Variants in CDCP1 observed in about 807,000 individuals in gnomAD.
The protein encoded by CDCP1 is CUB domain-containing protein 1.
CDCP1 carries 29 observed loss-of-function variants against 60.2 expected under a neutral mutation model. The ratio of observed to expected loss-of-function variants is 0.48; its 90% confidence interval spans 0.36 to 0.66. The LOEUF is 0.66. CDCP1 is among the 30% of genes least tolerant of loss of function. The pLI is 0.00. For missense variants in CDCP1, 876 were observed against 1,074.3 expected (o/e 0.82, Z 2.58); for synonymous variants, 387 against 431.1 (o/e 0.90, Z 1.27).
In CDCP1 at chr3:45,141,400, T is replaced by C. The variant is rs116131222; in HGVS notation, c.82+4806A>G. Among the ~76,000 whole-genome samples, 844 of 152,346 alleles carry C rather than the reference T, an allele frequency of 5.5e-3. 4 individuals carry two copies. The highest frequency in any genetic ancestry group is 0.02 in the African/African-American group (817 of 41,582). On this transcript the variant is annotated intron_variant, in intron 1 of 8. Coordinates refer to ENST00000296129, the MANE Select transcript of CDCP1 (RefSeq NM_022842.5). ...ATTATACACAGGTATCTTCCTGTTT[T>C]TCATCACACTTTCAGAAACTGTTAG...
At position 45,084,824 on chromosome 3, in the gene CDCP1, G is replaced by A. The variant is rs1212038772; in HGVS notation, c.*814C>T. 1 of 152,630 alleles carries A rather than the reference G, an allele frequency of 6.6e-6. No individual in the cohort carries two copies. The highest frequency in any genetic ancestry group is 2.4e-5 in the African/African-American group (1 of 41,448). The allele number at this position is 152,630 out of a possible 1,614,324, so 9.5% of individuals were successfully genotyped here. ...ATATTCTCTAAATTTCTCTTTAAATGTCAAAGTATTGCTGCAGCTAGGAGA... is the reference window on the plus strand; with the variant it reads ...ATATTCTCTAAATTTCTCTTTAAATATCAAAGTATTGCTGCAGCTAGGAGA... On this transcript the variant is annotated 3_prime_UTR_variant, in exon 9 of 9. Coordinates refer to ENST00000296129, the MANE Select transcript of CDCP1 (RefSeq NM_022842.5).
At position 45,112,351 on chromosome 3, in the gene CDCP1, G is replaced by A; in HGVS notation, c.387C>T (p.Val129=). ...PTLNRTFIWD[V]KAHKSIGLEL... is the part of the protein sequence containing the mutation. ...CTAAACCGATGCTCTTATGAGCTTT[G>A]ACATCCCAGATGAAAGTTCTGTTGA... The change falls in exon 3 of 9, where the codon GTC becomes GTT. Residue 129 remains valine, a synonymous_variant. Transcript: ENST00000296129. 1 of 1,614,242 alleles carries A rather than the reference G, an allele frequency of 6.2e-7. No individual in the cohort carries two copies. Among genetic ancestry groups the A allele is most frequent in the Non-Finnish European group, 8.5e-7 (1 of 1,180,044 alleles).
At chr3:45,126,277 T>G (rs1698999424) in intron 1 of CDCP1, among the ~76,000 whole-genome samples, 1 of 151,416 alleles carries the variant, frequency 6.6e-6, no homozygotes, top group Non-Finnish European at 1.5e-5. Flanking sequence ...CTGTTTCTTT[T>G]TTTTGTCTAC....
chr3:45,146,398 G>C (rs909192940), upstream of CDCP1: 29 of 904,400 alleles, frequency 3.2e-5, no homozygotes, highest in Non-Finnish European at 3.9e-5. Context: ...ACCTGCGCGC[G>C]GGCGGACCGG....
chr3:45,109,412 T>C (rs983015811), intron 4 of CDCP1, among the ~76,000 whole-genome samples: 13 of 152,068 alleles, frequency 8.5e-5, no homozygotes, highest in Admixed American at 7.9e-4. Context: ...CCCACTTAAT[T>C]TTTCTGCCTG....
At chr3:45,118,686 G>C (rs1031353093) in intron 1 of CDCP1, 65 bp from the exon 2 acceptor site, 3 of 1,319,784 alleles carry the variant, frequency 2.3e-6, no homozygotes, top group Middle Eastern at 2.1e-4. Flanking sequence ...TGTGGTCCCC[G>C]ACCCCAATCT....
At chr3:45,102,653 A>AG (rs1423498438) in intron 4 of CDCP1, among the ~76,000 whole-genome samples, 1 of 150,974 alleles carries the variant, frequency 6.6e-6, no homozygotes, top group African/African-American at 2.4e-5. Context: ...AAAAAAAAAA[A>AG]AAAAAGAAAA....
At chr3:45,102,746 C>T (rs960080818) in intron 4 of CDCP1, among the ~76,000 whole-genome samples, 1 of 152,088 alleles carries the variant, frequency 6.6e-6, no homozygotes, top group African/African-American at 2.4e-5. Context: ...CTGCAGCCGC[C>T]GCCTCCTGGC....
At chr3:45,096,540 G>A (rs887131703) in intron 4 of CDCP1, among the ~76,000 whole-genome samples, 3 of 140,830 alleles carry the variant, frequency 2.1e-5, no homozygotes, top group Non-Finnish European at 3.0e-5. Flanking sequence ...CAGGAGAATC[G>A]CTTGAACCCG....
At chr3:45,126,251 T>TTCTCTC (rs140448669) in intron 1 of CDCP1, among the ~76,000 whole-genome samples, 12 of 143,152 alleles carry the variant, frequency 8.4e-5, no homozygotes, top group African/African-American at 2.1e-4. Flanking sequence ...TCCTTCCTTC[T>TTCTCTC]TCTCTCTCTC....
chr3:45,091,453 G>T lies in CDCP1; in HGVS notation c.1713C>A (p.Leu571=). The change falls in exon 7 of 9, where the codon CTC becomes CTA. Residue 571 remains leucine (L), a synonymous_variant. Transcript: ENST00000296129. This position sits in a 1 kb window ranked among gnomAD's most constrained non-coding sequence, Gnocchi z 4.8. ...TPNWDRGLPS[L]TSVSWNISVP... ...CGCTGATGTTCCAGGACACAGAGGTGAGGGATGGCAGGCCCCGGTCCCAGT... is the reference window on the plus strand; with the variant it reads ...CGCTGATGTTCCAGGACACAGAGGTTAGGGATGGCAGGCCCCGGTCCCAGT... 2 of 1,612,316 alleles carry T rather than the reference G, an allele frequency of 1.2e-6. No individual in the cohort carries two copies. The highest frequency in any genetic ancestry group is 2.2e-5 in the South Asian group (2 of 90,736).
chr3:45,107,071 G>A (rs200164876), intron 4 of CDCP1, among the ~76,000 whole-genome samples: 3 of 152,152 alleles, frequency 2.0e-5, no homozygotes, highest in Non-Finnish European at 2.9e-5. Context: ...TACCAGCTGC[G>A]GTCCACTCTC....
chr3:45,094,266 C>T lies in CDCP1; in HGVS notation c.1247-609G>A, dbSNP rs562413105. On this transcript the variant is annotated intron_variant, in intron 5 of 8. Coordinates refer to ENST00000296129, the MANE Select transcript of CDCP1 (RefSeq NM_022842.5). ...TTTGAGACCGAGTCTCACTCTATTG[C>T]CCAGGCTGGAGTGAAGTGGTGCGAT... Among the ~76,000 whole-genome samples, 6 of 152,118 alleles carry T rather than the reference C, an allele frequency of 3.9e-5. No homozygotes were observed. In the East Asian group the frequency reaches 1.2e-3, roughly 29 times the overall value.
Position 45,089,097 on chromosome 3 carries a change from G to T in CDCP1, c.2038C>A (p.Leu680Met), listed in dbSNP as rs752012611. ...LIAAVGGGVL[L>M]LSALGLIICC... is the part of the protein sequence containing the mutation. ...ATGATGAGCCCGAGGGCAGACAGCA[G>T]TAAGACTCCACCTCCCACCGCTGCG... The change falls in exon 8 of 9, where the codon CTG becomes ATG. Residue 680 changes from leucine to methionine, a missense_variant. Around this residue, in one of 2 missense-constraint regions of CDCP1, gnomAD observed 726 missense variants for 935.7 expected, o/e 0.78. Coordinates refer to ENST00000296129, the MANE Select transcript of CDCP1 (RefSeq NM_022842.5). 6.2e-7 allele frequency: 1 copy of T among 1,614,090 alleles called. No homozygotes were observed. The highest frequency in any genetic ancestry group is 2.2e-5 in the East Asian group (1 of 44,872).
intron 8 of CDCP1, among the ~76,000 whole-genome samples, chr3:45,088,419 G>A (rs889275601): frequency 9.2e-5 from 14 of 152,164 alleles, no homozygotes; most frequent in African/African-American, 3.4e-4. Context: ...CCAGGAGGCG[G>A]AGGCTGCAGT....
At chr3:45,126,122 C>CTT (rs1242260438) in intron 1 of CDCP1, among the ~76,000 whole-genome samples, 1 of 135,228 alleles carries the variant, frequency 7.4e-6, no homozygotes, top group Non-Finnish European at 1.6e-5. Flanking sequence ...TTCTTTCTTT[C>CTT]TTTCTTTCTT....
intron 4 of CDCP1, among the ~76,000 whole-genome samples, chr3:45,106,794 G>A (rs1166697945): frequency 6.6e-6 from 1 of 152,182 alleles, no homozygotes; most frequent in Non-Finnish European, 1.5e-5. Flanking sequence ...GAGAGGTGCA[G>A]CAGTGAAGGG....
At chr3:45,090,777 C>G (rs1017325434) in intron 7 of CDCP1, among the ~76,000 whole-genome samples, 1 of 152,230 alleles carries the variant, frequency 6.6e-6, no homozygotes, top group African/African-American at 2.4e-5. Context: ...ACAGCCCAGG[C>G]TGGAGAACAA....
In CDCP1 at chr3:45,084,076, G is replaced by A. The variant is rs1343512833; in HGVS notation, c.*1562C>T. The A allele has an allele frequency of 6.6e-6, 1 of 152,050 alleles. No homozygotes were observed. The highest frequency in any genetic ancestry group is 1.5e-5 in the Non-Finnish European group (1 of 68,004). 9.4% of individuals were successfully genotyped at this position (152,050 alleles called of 1,614,324 possible). On this transcript the variant is annotated 3_prime_UTR_variant, in exon 9 of 9. Coordinates refer to ENST00000296129, the MANE Select transcript of CDCP1 (RefSeq NM_022842.5). ...ATTGATCAGTAGAAACAAACACTCA[G>A]CCTCATTGTGGGAAGTGATAGGGCG...
Sources: allele counts gnomAD v4.1 joint callset (sites outside exome capture counted in the v4.1 genomes callset), GRCh38; gene constraint gnomAD v4.1.1; regional missense constraint gnomAD v4.1.1; non-coding constraint Gnocchi (gnomAD v3.1); transcripts MANE v1.5; gene names NCBI Gene and HGNC (gene_info 2026-07-23, HGNC 2026-07-21).